The following C9orf57 variants were observed in gnomAD, a reference collection of about 807,000 sequenced individuals.
C9orf57 encodes the protein chromosome 9 open reading frame 57.
In C9orf57, 12 loss-of-function variants were observed where a neutral mutation model predicts 12.9. The ratio of observed to expected loss-of-function variants is 0.93; its 90% CI spans 0.60 to 1.51. The LOEUF (loss-of-function observed/expected upper bound fraction) is 1.51, where lower values mean the gene tolerates loss of function less well. Among genes scored for constraint, C9orf57 ranks in the 40% most tolerant of loss-of-function variants. The pLI, the probability that C9orf57 is intolerant of heterozygous loss-of-function variation, is 0.00. For synonymous variants in C9orf57, 49 were observed against 57.1 expected (o/e 0.86, Z 0.64); for missense variants, 141 against 162.8 (o/e 0.87, Z 0.73).
intron 2 of C9orf57, among the ~76,000 whole-genome samples, chr9:72,058,427 C>T (rs574679451): frequency 1.3e-5 from 2 of 152,276 alleles, no homozygotes; most frequent in East Asian, 1.9e-4. Context: ...TCCCAAAGTG[C>T]TAGGATTACA....
At chr9:72,052,945 T>G (rs927213000) in intron 4 of C9orf57, among the ~76,000 whole-genome samples, 1 of 152,066 alleles carries the variant, frequency 6.6e-6, no homozygotes, top group African/African-American at 2.4e-5. Flanking sequence ...AAGAACAAAA[T>G]AAGTGACAGT....
At chr9:72,056,659 G>A in intron 3 of C9orf57, 125 bp downstream of exon 3, 1 of 937,248 alleles carries the variant, frequency 1.1e-6, no homozygotes, top group Non-Finnish European at 1.5e-6. Flanking sequence ...TCTTTTCATT[G>A]TTTTGTTGGT....
intron 4 of C9orf57, among the ~76,000 whole-genome samples, chr9:72,053,588 A>C (rs1589298842): frequency 1.3e-5 from 2 of 152,152 alleles, no homozygotes; most frequent in Admixed American, 6.5e-5. Context: ...TATGTTTCCC[A>C]TTCCATAAAG....
In C9orf57 at chr9:72,059,373, T is replaced by C; in HGVS notation, c.-42A>G. ...AAAAGGAGATGAAAGGAAAGACACG[T>C]CCCACTGATTTCTGGGGAAGCAATA... On this transcript the variant is annotated 5_prime_UTR_variant, in exon 2 of 5. Transcript: ENST00000651200. 6.4e-7 allele frequency: 1 copy of C among 1,551,804 alleles called. No homozygotes were observed. Among genetic ancestry groups the C allele is most frequent in the Non-Finnish European group, 8.7e-7 (1 of 1,147,020 alleles).
chr9:72,055,374 C>CCT (rs1824171317), intron 4 of C9orf57, among the ~76,000 whole-genome samples: 5 of 58,154 alleles, frequency 8.6e-5, no homozygotes, highest in African/African-American at 3.5e-4. Context: ...CCCTCCCTCC[C>CCT]TCCTTCCTTC....
chr9:72,057,311 C>A (rs1476564448), intron 2 of C9orf57, among the ~76,000 whole-genome samples: 6 of 152,054 alleles, frequency 3.9e-5, no homozygotes, highest in African/African-American at 1.4e-4. Flanking sequence ...CTGCAACCTC[C>A]ACCTCCCGGG....
chr9:72,059,119 T>A, intron 2 of C9orf57, 116 bp downstream of exon 2: 1 of 1,340,930 alleles, frequency 7.5e-7, no homozygotes, highest in Admixed American at 2.4e-5. Context: ...TCAGACCTGA[T>A]CCACCCGCCT....
intron 4 of C9orf57, 119 bp downstream of exon 4, chr9:72,055,955 T>C (rs1366660968): frequency 9.9e-7 from 1 of 1,011,622 alleles, no homozygotes; most frequent in East Asian, 2.8e-5. Flanking sequence ...CATTGTTTTG[T>C]TGGTGTAATG....
At chr9:72,059,146 T>A in intron 2 of C9orf57, 89 bp downstream of exon 2, 1 of 1,501,184 alleles carries the variant, frequency 6.7e-7, no homozygotes, top group Non-Finnish European at 8.9e-7. Context: ...CCCAAAGTGC[T>A]GGGATTACAG....
At chr9:72,057,052 T>C (rs577701043) in intron 2 of C9orf57, among the ~76,000 whole-genome samples, 13 of 151,470 alleles carry the variant, frequency 8.6e-5, no homozygotes, top group Non-Finnish European at 1.5e-4. Flanking sequence ...TAGCTGGGAC[T>C]ACAGGCACAC....
chr9:72,052,504 G>T (rs1824101219), intron 4 of C9orf57, 69 bp from the exon 5 acceptor site: 1 of 1,433,644 alleles, frequency 7.0e-7, no homozygotes, highest in South Asian at 1.3e-5. Context: ...GATGCTAATA[G>T]GTTAAAAAGA....
At chr9:72,059,975 C>G (rs1824295564) in intron 1 of C9orf57, among the ~76,000 whole-genome samples, 3 of 152,084 alleles carry the variant, frequency 2.0e-5, no homozygotes, top group African/African-American at 7.2e-5. Flanking sequence ...GAATAATATC[C>G]TGTTAGAAAT....
At chr9:72,058,511 A>T (rs1312640485) in intron 2 of C9orf57, among the ~76,000 whole-genome samples, 1 of 152,140 alleles carries the variant, frequency 6.6e-6, no homozygotes, top group Non-Finnish European at 1.5e-5. Context: ...AGTGATAGAG[A>T]ACTGATCACC....
rs376179942 is a variant in C9orf57, at chr9:72,055,917, A to T, written c.280+157T>A. The stretch of plus-strand genomic sequence containing the variant: ...CAGCTATCTCATCTTTAAAATGGGG[A>T]TAGTGACAGGATCCATCCAGCTCTT... On this transcript the variant is annotated intron_variant, in intron 4 of 4. Transcript: ENST00000651200. 8.5e-5 allele frequency among the ~76,000 whole-genome samples: 13 copies of T among 152,210 alleles called. No individual in the cohort carries two copies. The East Asian group carries it at 2.5e-3, about 29-fold the overall frequency.
intron 2 of C9orf57, among the ~76,000 whole-genome samples, chr9:72,058,076 G>C (rs10869089): frequency 0.2 from 30,788 of 152,194 alleles, 3,529 homozygotes; most frequent in East Asian, 0.48. Context: ...TTGTATTTTA[G>C]ATCTGCAGAA....
intron 4 of C9orf57, among the ~76,000 whole-genome samples, chr9:72,053,030 A>T (rs1824112920): frequency 6.6e-6 from 1 of 152,230 alleles, no homozygotes; most frequent in African/African-American, 2.4e-5. Flanking sequence ...CAAAGACAGC[A>T]AAATGTGATG....
rs145394932 is a variant in C9orf57, at chr9:72,052,231, G to A, written c.*65C>T. 5.8e-5 allele frequency: 88 copies of A among 1,512,872 alleles called. 1 individual carries two copies. The African/African-American group carries it at 1.1e-3, about 19-fold the overall frequency. The allele number at this position is 1,512,872 out of a possible 1,614,324, so 93.7% of individuals were successfully genotyped here. On this transcript the variant is annotated 3_prime_UTR_variant, in exon 5 of 5. Transcript: ENST00000651200. Reference sequence around the variant, plus strand: ...GCTAATTGACAATAGCCATCATTTTGTGATAGCCAGGTCAGGCTTCGAGAC... The same window carrying A: ...GCTAATTGACAATAGCCATCATTTTATGATAGCCAGGTCAGGCTTCGAGAC...
Position 72,052,374 on chromosome 9 carries a change from A to C in C9orf57, c.342T>G (p.Ser114Arg). 1 of 1,551,712 alleles carries C rather than the reference A, an allele frequency of 6.4e-7. No individual in the cohort carries two copies. The highest frequency in any genetic ancestry group is 8.7e-7 in the Non-Finnish European group (1 of 1,146,732). ...CTKNTSECFK[S>R]TLVKRILQLH... ...GTTGCAGAATTCTCTTGACGAGAGT[A>C]CTCTTGAAGCACTCTGATGTGTTCT... is the stretch of plus-strand genomic sequence containing the variant. The change falls in exon 5 of 5, where the codon AGT (serine) becomes AGG (arginine). Residue 114 changes from serine to arginine, a missense_variant. By Grantham distance (110) the Ser-to-Arg change is moderately radical. Transcript: ENST00000651200.
In C9orf57 at chr9:72,052,049, A is replaced by C. The variant is rs1824091548; in HGVS notation, c.*247T>G. On this transcript the variant is annotated 3_prime_UTR_variant, in exon 5 of 5. Coordinates refer to ENST00000651200, the MANE Select transcript of C9orf57 (RefSeq NM_001128618.2). ...TTTGTAGCCTTGTGGTAGGAAGGTA[A>C]ATTAAGCAGAAGGAGGAGAGGAGAG... 2 of 416,496 alleles carry C rather than the reference A, an allele frequency of 4.8e-6. No homozygotes were observed. Among genetic ancestry groups the C allele is most frequent in the South Asian group, 9.2e-5 (2 of 21,840 alleles). The allele number at this position is 416,496 out of a possible 1,614,324, so 25.8% of individuals were successfully genotyped here. A position where few individuals can be genotyped will look rare whatever the true frequency, so the allele number is the denominator to read the frequency against.
Sources: allele counts gnomAD v4.1 joint callset (sites outside exome capture counted in the v4.1 genomes callset), GRCh38; gene constraint gnomAD v4.1.1; transcripts MANE v1.5; gene names NCBI Gene and HGNC (gene_info 2026-07-23, HGNC 2026-07-21).